Variants in HMGA2 observed in about 807,000 individuals in gnomAD.
The protein encoded by HMGA2 is high mobility group protein HMGI-C.
HMGA2 carries 8 observed loss-of-function variants against 19.1 expected under a neutral mutation model. That is an observed-to-expected ratio of 0.42 (90% confidence interval 0.25 to 0.76). The LOEUF (loss-of-function observed/expected upper bound fraction) is 0.76. HMGA2 is among the 30% of genes least tolerant of loss of function. The pLI, the probability that HMGA2 is intolerant of heterozygous loss-of-function variation, is 0.28. For synonymous variants in HMGA2, 60 were observed against 48.8 expected (o/e 1.23, Z -0.96); for missense variants, 109 against 136.3 (o/e 0.80, Z 1.00).
intron 3 of HMGA2, among the ~76,000 whole-genome samples, chr12:65,941,469 T>C (rs1876090300): frequency 6.6e-6 from 1 of 152,108 alleles, no homozygotes; most frequent in African/African-American, 2.4e-5. Flanking sequence ...TTAAGCTTCC[T>C]CCAAGAAAAA....
intron 3 of HMGA2, among the ~76,000 whole-genome samples, chr12:65,940,556 A>G (rs1368406359): frequency 6.6e-6 from 1 of 152,192 alleles, no homozygotes; most frequent in African/African-American, 2.4e-5. Context: ...TATGTTTTTA[A>G]AAACAGATGC....
intron 3 of HMGA2, among the ~76,000 whole-genome samples, chr12:65,946,709 G>A (rs1876278658): frequency 6.6e-6 from 1 of 152,140 alleles, no homozygotes; most frequent in Non-Finnish European, 1.5e-5. Context: ...TAGGAGGGCT[G>A]AGGAACTTCT....
chr12:65,901,906 A>T (rs181351544), intron 3 of HMGA2, among the ~76,000 whole-genome samples: 2 of 152,178 alleles, frequency 1.3e-5, no homozygotes, highest in African/African-American at 2.4e-5. Flanking sequence ...AAGAAACACG[A>T]TCTCCACCAA....
At chr12:65,934,200 AT>A (rs1482903390) in intron 3 of HMGA2, among the ~76,000 whole-genome samples, 4 of 152,214 alleles carry the variant, frequency 2.6e-5, no homozygotes, top group Admixed American at 6.5e-5. Flanking sequence ...ATTCCATATA[AT>A]TGGAGTAATT....
At chr12:65,838,676 T>C in intron 3 of HMGA2, 107 bp downstream of exon 3, 1 of 801,934 alleles carries the variant, frequency 1.2e-6, no homozygotes, top group Admixed American at 2.2e-5. Flanking sequence ...CAACTTCTGG[T>C]TTGATGAATC....
chr12:65,847,088 A>G (rs570881150), intron 3 of HMGA2, among the ~76,000 whole-genome samples: 9 of 152,332 alleles, frequency 5.9e-5, no homozygotes, highest in South Asian at 2.1e-4. Context: ...CATACTATAT[A>G]TATACACACA....
intron 3 of HMGA2, chr12:65,867,595 A>G (rs2121017018): frequency 2.6e-6 from 1 of 391,382 alleles, no homozygotes; most frequent in Non-Finnish European, 5.3e-6. Context: ...AATCAACTGA[A>G]GAACACTTCT....
At chr12:65,949,634 T>C (rs546227093) in intron 3 of HMGA2, among the ~76,000 whole-genome samples, 3 of 152,234 alleles carry the variant, frequency 2.0e-5, no homozygotes, top group African/African-American at 7.2e-5. Context: ...TATTCTCTAA[T>C]ACTCGATTGG....
intron 3 of HMGA2, among the ~76,000 whole-genome samples, chr12:65,947,641 G>C (rs998532588): frequency 2.0e-5 from 3 of 152,214 alleles, no homozygotes; most frequent in African/African-American, 7.2e-5. Flanking sequence ...ATGCCAAGTT[G>C]ACCAAGTGCC....
chr12:65,831,959 A>C (rs1327385417), intron 2 of HMGA2, among the ~76,000 whole-genome samples: 1 of 151,948 alleles, frequency 6.6e-6, no homozygotes, highest in Non-Finnish European at 1.5e-5. Flanking sequence ...TGGTTTCTAA[A>C]TTAAACTACT....
intron 3 of HMGA2, among the ~76,000 whole-genome samples, chr12:65,883,170 C>T (rs1231293217): frequency 6.6e-6 from 1 of 152,178 alleles, no homozygotes; most frequent in Non-Finnish European, 1.5e-5. Context: ...AAGGCTTACT[C>T]TAGGGGTGAA....
intron 2 of HMGA2, among the ~76,000 whole-genome samples, chr12:65,838,203 T>C (rs956209596): frequency 3.3e-5 from 5 of 152,124 alleles, no homozygotes; most frequent in Non-Finnish European, 7.4e-5. Context: ...GTTTTTAATA[T>C]GGACAGAAAT....
intron 3 of HMGA2, chr12:65,914,784 C>G: frequency 2.5e-6 from 1 of 394,390 alleles, no homozygotes; most frequent in Non-Finnish European, 4.9e-6. Context: ...AAGCAATTCT[C>G]CTGCCTCAGG....
chr12:65,965,241 A>T lies in HMGA2; in HGVS notation c.*1949A>T, dbSNP rs1158238052. 1 of 202,170 alleles carries T rather than the reference A, an allele frequency of 4.9e-6. No individual in the cohort carries two copies. Among genetic ancestry groups the T allele is most frequent in the South Asian group, 1.9e-4 (1 of 5,262 alleles). The allele number at this position is 202,170 out of a possible 1,614,324, so 12.5% of individuals were successfully genotyped here. A position where few individuals can be genotyped will look rare whatever the true frequency, so the allele number is the denominator to read the frequency against. On this transcript the variant is annotated 3_prime_UTR_variant, in exon 5 of 5. Transcript: ENST00000403681. Reference sequence around the variant, plus strand: ...AATATGTGTTTTTAAGATTAGTTGAATATAAGAAAATGCTTGACAAATATT... The same window carrying T: ...AATATGTGTTTTTAAGATTAGTTGATTATAAGAAAATGCTTGACAAATATT...
intron 3 of HMGA2, among the ~76,000 whole-genome samples, chr12:65,893,104 T>A (rs1156235467): frequency 1.3e-5 from 2 of 152,312 alleles, no homozygotes; most frequent in African/African-American, 4.8e-5. Context: ...ATTATAGTCA[T>A]GCCCCACTGA....
chr12:65,965,904 A>G lies in HMGA2; in HGVS notation c.*2612A>G, dbSNP rs1876894334. The G allele has an allele frequency of 4.7e-6, 1 of 214,816 alleles. No homozygotes were observed. Among genetic ancestry groups the G allele is most frequent in the East Asian group, 6.9e-5 (1 of 14,406 alleles). The allele number at this position is 214,816 out of a possible 1,614,324, so 13.3% of individuals were successfully genotyped here. ...AGTAAGAACATCATAAAATTTTTAT[A>G]TATATAGTTTATTTTTGTGGGAGAT... On this transcript the variant is annotated 3_prime_UTR_variant, in exon 5 of 5. Coordinates refer to ENST00000403681, the MANE Select transcript of HMGA2 (RefSeq NM_003483.6).
At chr12:65,944,872 T>C (rs1033421036) in intron 3 of HMGA2, among the ~76,000 whole-genome samples, 10 of 151,622 alleles carry the variant, frequency 6.6e-5, no homozygotes, top group African/African-American at 2.4e-4. Flanking sequence ...AGATTTTTGT[T>C]TTTTAAGAGT....
chr12:65,847,814 T>A (rs1050822116), intron 3 of HMGA2, among the ~76,000 whole-genome samples: 1 of 152,242 alleles, frequency 6.6e-6, no homozygotes, highest in Non-Finnish European at 1.5e-5. Flanking sequence ...TAATGGTGCT[T>A]ACTAAATGTT....
chr12:65,867,244 G>A (rs1872472937), intron 3 of HMGA2, among the ~76,000 whole-genome samples: 2 of 152,136 alleles, frequency 1.3e-5, no homozygotes, highest in East Asian at 1.9e-4. Flanking sequence ...TTTTTGCAAT[G>A]AGCAGAAATC....
Sources: gnomAD v4.1 joint callset for allele counts (sites outside exome capture counted in the v4.1 genomes callset) on GRCh38, gnomAD v4.1.1 for gene constraint, MANE v1.5 for transcripts, NCBI Gene and HGNC (gene_info 2026-07-23, HGNC 2026-07-21) for gene names.